FBXO36: variants seen among roughly 807,000 people sequenced by gnomAD.
FBXO36 encodes the protein F-box protein 36, also known as F-box only protein 36.
Under a neutral mutation model 17.0 loss-of-function variants are expected in FBXO36, and 18 were observed. The ratio of observed to expected loss-of-function variants is 1.06; its 90% CI spans 0.73 to 1.57. FBXO36 has a LOEUF of 1.57. FBXO36 is among the 40% of genes most tolerant of loss of function. The probability of loss-of-function intolerance (pLI) is 0.00; values close to 1 mark genes in which losing one functional copy is unlikely to be tolerated. For synonymous variants in FBXO36, 83 were observed against 85.3 expected (o/e 0.97, Z 0.15); for missense variants, 229 against 221.9 (o/e 1.03, Z -0.20).
At chr2:229,972,931 G>A (rs535243647) in intron 1 of FBXO36, among the ~76,000 whole-genome samples, 19 of 151,720 alleles carry the variant, frequency 1.3e-4, no homozygotes, top group South Asian at 1.3e-3. Context: ...GCGTGGTGGC[G>A]TGCGCCTGTA....
chr2:229,934,758 G>T (rs1313806960), intron 1 of FBXO36, among the ~76,000 whole-genome samples: 2 of 152,124 alleles, frequency 1.3e-5, no homozygotes, highest in Non-Finnish European at 2.9e-5. Flanking sequence ...GAGTTCAAAT[G>T]ATTCTCGTGC....
chr2:229,925,763 T>C (rs978337490), intron 1 of FBXO36, among the ~76,000 whole-genome samples: 2 of 152,240 alleles, frequency 1.3e-5, no homozygotes, highest in South Asian at 2.1e-4. Context: ...ATAAATGTTA[T>C]ACATAAACAT....
intron 1 of FBXO36, among the ~76,000 whole-genome samples, chr2:229,924,569 G>T (rs1368226996): frequency 1.3e-5 from 2 of 152,088 alleles, no homozygotes; most frequent in African/African-American, 4.8e-5. Context: ...TCCCCTGAAG[G>T]TCTGGTATTT....
intron 1 of FBXO36, among the ~76,000 whole-genome samples, chr2:229,969,030 C>T: frequency 6.6e-6 from 1 of 151,846 alleles, no homozygotes; most frequent in East Asian, 1.9e-4. Context: ...GCCACCTTGG[C>T]CTCTTAAAGG....
At chr2:229,966,528 T>G (rs1319120005) in intron 1 of FBXO36, among the ~76,000 whole-genome samples, 14 of 152,244 alleles carry the variant, frequency 9.2e-5, no homozygotes, top group Admixed American at 9.2e-4. Flanking sequence ...AACATTTAAG[T>G]CTTTAATCCA....
At chr2:229,935,131 A>G (rs1192464278) in intron 1 of FBXO36, among the ~76,000 whole-genome samples, 2 of 152,216 alleles carry the variant, frequency 1.3e-5, no homozygotes, top group Non-Finnish European at 1.5e-5. Context: ...CACGCCACAG[A>G]GGAAAGCATC....
chr2:229,997,476 G>A (rs1169278755), intron 3 of FBXO36, among the ~76,000 whole-genome samples: 3 of 151,816 alleles, frequency 2.0e-5, no homozygotes, highest in Admixed American at 6.6e-5. Context: ...TACTCAGGAG[G>A]CTGAGGCAGG....
chr2:229,985,399 A>G (rs1368216502), intron 2 of FBXO36, among the ~76,000 whole-genome samples: 6 of 151,830 alleles, frequency 4.0e-5, no homozygotes, highest in Non-Finnish European at 7.4e-5. Flanking sequence ...TCCATAATCC[A>G]TTTTCTCTAG....
At chr2:229,982,763 A>G (rs2106200047) in intron 2 of FBXO36, among the ~76,000 whole-genome samples, 1 of 135,352 alleles carries the variant, frequency 7.4e-6, no homozygotes, top group South Asian at 2.5e-4. Context: ...CCCAAGACAG[A>G]GCAAGAGCTT....
intron 2 of FBXO36, among the ~76,000 whole-genome samples, chr2:229,984,997 G>T (rs544534405): frequency 3.4e-4 from 51 of 152,170 alleles, no homozygotes; most frequent in African/African-American, 1.2e-3. Context: ...TTATCTGAGG[G>T]GTGCATTCTT....
intron 2 of FBXO36, among the ~76,000 whole-genome samples, chr2:229,994,987 G>T (rs2106208935): frequency 6.6e-6 from 1 of 152,220 alleles, no homozygotes; most frequent in Non-Finnish European, 1.5e-5. Context: ...GGTGGTGGGT[G>T]CCTGTAATCC....
At chr2:229,987,448 C>A (rs1439994120) in intron 2 of FBXO36, among the ~76,000 whole-genome samples, 1 of 151,812 alleles carries the variant, frequency 6.6e-6, no homozygotes, top group Non-Finnish European at 1.5e-5. Context: ...GGGTTTACTT[C>A]ATTCATTAAC....
chr2:229,976,594 G>A (rs2077209877), intron 2 of FBXO36: 1 of 312,050 alleles, frequency 3.2e-6, no homozygotes, highest in Admixed American at 4.6e-5. Context: ...GCCGAGGCGG[G>A]TGGATCATGA....
chr2:229,988,001 C>T (rs367724861), intron 2 of FBXO36, among the ~76,000 whole-genome samples: 7 of 152,304 alleles, frequency 4.6e-5, no homozygotes, highest in African/African-American at 1.7e-4. Flanking sequence ...CCTACATAGA[C>T]AAGTTTTGAT....
rs185329449 is a variant in FBXO36 at position 229,951,443 on chromosome 2, C to T, written c.97-24798C>T. The stretch of plus-strand genomic sequence containing the variant: ...ATTTTTAGTAGAGATGGGGTTTCAT[C>T]GTGTTGGTCAGGCTGGTCTTGAACT... On this transcript the variant is annotated intron_variant, in intron 1 of 3. Transcript: ENST00000283946. Among the ~76,000 whole-genome samples, 1,319 of 151,840 alleles carry T rather than the reference C, an allele frequency of 8.7e-3. 8 individuals carry two copies. Among genetic ancestry groups the T allele is most frequent in the Non-Finnish European group, 0.014 (923 of 67,950 alleles).
chr2:230,009,187 G>A (rs779943685), intron 3 of FBXO36, among the ~76,000 whole-genome samples: 45 of 152,118 alleles, frequency 3.0e-4, no homozygotes, highest in Non-Finnish European at 6.5e-4. Flanking sequence ...AGGACACAGG[G>A]GGGCACAGCA....
intron 1 of FBXO36, chr2:229,938,999 G>A (rs549126856): frequency 1.1e-4 from 17 of 150,206 alleles, no homozygotes; most frequent in African/African-American, 4.2e-4. Flanking sequence ...GCGCCCAGCC[G>A]GATGGGTTAG....
At chr2:229,939,342 C>G (rs185766538) in intron 1 of FBXO36, 117 of 775,662 alleles carry the variant, frequency 1.5e-4, no homozygotes, top group African/African-American at 1.0e-3. Context: ...CCTCTCGTCC[C>G]AAGATGAGTC....
intron 1 of FBXO36, among the ~76,000 whole-genome samples, chr2:229,944,794 CATGTTAGCCAGGATG>C (rs2077018511): frequency 1.3e-5 from 2 of 152,052 alleles, no homozygotes; most frequent in South Asian, 4.1e-4. Flanking sequence ...GGGGTTTCAC[CATGTTAGCCAGGATG>C]GTCTCAATCT....
Sources: gnomAD v4.1 joint callset for allele counts (sites outside exome capture counted in the v4.1 genomes callset) on GRCh38, gnomAD v4.1.1 for gene constraint, MANE v1.5 for transcripts, NCBI Gene and HGNC (gene_info 2026-07-23, HGNC 2026-07-21) for gene names.